Variants in BECN1 observed in about 807,000 individuals in gnomAD.
BECN1 encodes the protein beclin-1.
In BECN1, 15 loss-of-function variants were observed where a neutral mutation model predicts 60.1. The observed-to-expected ratio is 0.25, with a 90% confidence interval of 0.17 to 0.38. The LOEUF (loss-of-function observed/expected upper bound fraction) is 0.38, where lower values mean the gene tolerates loss of function less well. BECN1 is among the 10% of genes least tolerant of loss of function. BECN1 has a pLI of 1.00. For synonymous variants in BECN1, 179 were observed against 201.8 expected, an observed-to-expected ratio of 0.89 and a Z score of 0.96; for missense variants, 424 against 548.2, an observed-to-expected ratio of 0.77 and a Z score of 2.26.
intron 3 of BECN1, 81 bp downstream of exon 3, chr17:42,820,693 T>C (rs1042903367): frequency 8.5e-6 from 12 of 1,416,194 alleles, no homozygotes; most frequent in Admixed American, 2.0e-5. Context: ...AAACCAAGCC[T>C]GCATTCCTGT....
intron 8 of BECN1, chr17:42,815,042 T>C: frequency 4.4e-6 from 1 of 226,910 alleles, no homozygotes; most frequent in Non-Finnish European, 8.8e-6. Flanking sequence ...TCCACCCCTT[T>C]ACCCCAAGTC....
Position 42,819,929 on chromosome 17 carries a change from A to T in BECN1, c.199-320T>A, listed in dbSNP as rs372192739. Among the ~76,000 whole-genome samples, 5 of 152,180 alleles carry T rather than the reference A, an allele frequency of 3.3e-5. No individual in the cohort carries two copies. The East Asian group carries it at 5.8e-4, about 18-fold the overall frequency. On this transcript the variant is annotated intron_variant, in intron 3 of 11. Transcript: ENST00000590099. ...CAGGGGCAGAGGACAGAATGCCCTA[A>T]ATCATAGTACAAGGAAAAAGCCAGA...
intron 10 of BECN1, among the ~76,000 whole-genome samples, chr17:42,813,258 G>A (rs1003981614): frequency 1.3e-5 from 2 of 152,020 alleles, no homozygotes; most frequent in Non-Finnish European, 2.9e-5. Flanking sequence ...AAACAGGCCA[G>A]GCACGGTGGC....
chr17:42,821,947 C>T (rs1490219144), intron 2 of BECN1, among the ~76,000 whole-genome samples: 2 of 152,228 alleles, frequency 1.3e-5, no homozygotes, highest in Admixed American at 6.5e-5. Flanking sequence ...TGGCTCACGC[C>T]TGTAGTCCCA....
Position 42,820,779 on chromosome 17 carries a change from C to G in BECN1, c.193G>C (p.Gly65Arg), listed in dbSNP as rs113316728. 2 of 1,587,860 alleles carry G rather than the reference C, an allele frequency of 1.3e-6. No homozygotes were observed. Among genetic ancestry groups the G allele is most frequent in the Non-Finnish European group, 1.7e-6 (2 of 1,165,410 alleles). ...GGAGAGGGCACTTCTATTACCTCTCCTGAGTTAGTCTCTTCCTCCTGGGTC... is the reference window on the plus strand; with the variant it reads ...GGAGAGGGCACTTCTATTACCTCTCGTGAGTTAGTCTCTTCCTCCTGGGTC... Reference protein sequence around the residue: ...GETQEEETNSGEEPFIETPRQ... With the variant: ...GETQEEETNSREEPFIETPRQ... Residue 65 changes from glycine to arginine, a missense_variant, in exon 3 of 12, where the codon GGA (glycine) becomes CGA (arginine). Transcript: ENST00000590099.
intron 3 of BECN1, chr17:42,820,250 G>A (rs2055235108): frequency 6.5e-6 from 1 of 153,662 alleles, no homozygotes; most frequent in Non-Finnish European, 1.4e-5. Context: ...AATCTCAGGT[G>A]TGTATTCAAT....
At chr17:42,815,525 C>T in intron 8 of BECN1, 1 of 207,032 alleles carries the variant, frequency 4.8e-6, no homozygotes, top group Non-Finnish European at 9.8e-6. Flanking sequence ...AGATTATATG[C>T]AACTAGAAGG....
chr17:42,824,130 C>T lies in BECN1; in HGVS notation c.-3+25G>A, dbSNP rs575870291. ...GTTCCCAGACTCCCTTCTAAGGTCC[C>T]ACCTCAGCCCCCGATGCTCTTCACC... On this transcript the variant is annotated intron_variant, in intron 1 of 11. Transcript: ENST00000590099. 170 of 478,762 alleles carry T rather than the reference C, an allele frequency of 3.6e-4. No individual in the cohort carries two copies. In the Middle Eastern group the frequency reaches 5.4e-3, roughly 15 times the overall value. The allele number at this position is 478,762 out of a possible 1,614,324, so 29.7% of individuals were successfully genotyped here.
At chr17:42,823,223 G>A (rs879748568) in intron 2 of BECN1, among the ~76,000 whole-genome samples, 4 of 152,138 alleles carry the variant, frequency 2.6e-5, no homozygotes, top group Admixed American at 2.6e-4. Context: ...TGAAACAGCA[G>A]GAGCAGAAAA....
chr17:42,816,039 G>A lies in BECN1; in HGVS notation c.699C>T (p.Tyr233=). ...DQEEAQYQRE[Y]SEFKRQQLEL... ...CCAGCTGCTGTCGTTTAAATTCACTGTATTCTCTCTGATACCTGTGAGCAG... is the reference window on the plus strand; with the variant it reads ...CCAGCTGCTGTCGTTTAAATTCACTATATTCTCTCTGATACCTGTGAGCAG... Residue 233 remains tyrosine, a synonymous_variant, in exon 8 of 12, where the codon TAC becomes TAT. Coordinates refer to ENST00000590099, the MANE Select transcript of BECN1 (RefSeq NM_001313998.2). 2 of 1,598,338 alleles carry A rather than the reference G, an allele frequency of 1.3e-6. No individual in the cohort carries two copies. Among genetic ancestry groups the A allele is most frequent in the Non-Finnish European group, 1.7e-6 (2 of 1,172,102 alleles).
At position 42,819,500 on chromosome 17, in the gene BECN1, A is replaced by T. The variant is rs762741368; in HGVS notation, c.260+48T>A. ...GTCTCGATTCCTGGATTTAATTAAA[A>T]TTCTACTAGCCTTTGGCAAGGAATG... On this transcript the variant is annotated intron_variant, in intron 4 of 11. Transcript: ENST00000590099. The T allele has an allele frequency of 2.3e-5, 37 of 1,592,344 alleles. No homozygotes were observed. In the Admixed American group the frequency reaches 5.2e-4, roughly 22 times the overall value.
Position 42,818,284 on chromosome 17 carries a change from A to G in BECN1, c.620T>C (p.Ile207Thr), listed in dbSNP as rs759812640. Residue 207 changes from isoleucine (I) to threonine (T), a missense_variant, in exon 7 of 12, where the codon ATA becomes ACA. By Grantham distance (89) the Ile-to-Thr change is moderately conservative. Around this residue, in one of 3 missense-constraint regions of BECN1, gnomAD observed 326 missense variants for 406.2 expected, o/e 0.80. Transcript: ENST00000590099. ...GACCTTCTCGAGATTTTCTGCCACT[A>G]TCTTGCGGTTCTTTTCCACGTCTTC... is the stretch of plus-strand genomic sequence containing the variant. ...ELEDVEKNRK[I>T]VAENLEKVQA... is the part of the protein sequence containing the mutation. The G allele has an allele frequency of 1.4e-5, 23 of 1,613,968 alleles. No individual in the cohort carries two copies. Among genetic ancestry groups the G allele is most frequent in the Middle Eastern group, 1.6e-4 (1 of 6,084 alleles).
At chr17:42,821,191 C>G (rs934559246) in intron 2 of BECN1, among the ~76,000 whole-genome samples, 1 of 152,080 alleles carries the variant, frequency 6.6e-6, no homozygotes, top group Admixed American at 6.5e-5. Context: ...TCCCAAGTAG[C>G]TGGGACTACA....
chr17:42,811,990 T>TG (rs2055021016), intron 10 of BECN1, 193 bp from the exon 11 acceptor site: 1 of 593,184 alleles, frequency 1.7e-6, no homozygotes, highest in Non-Finnish European at 2.8e-6. Flanking sequence ...CACTTAGAAC[T>TG]GTTTCACTAT....
Position 42,815,809 on chromosome 17 carries a change from C to T in BECN1, c.830+99G>A. The stretch of plus-strand genomic sequence containing the variant: ...AGAAACCTAGTTGGGTGAAGATAAC[C>T]TACAGTCCCTCTTTTGTGGGAAGTG... On this transcript the variant is annotated intron_variant, in intron 8 of 11. Transcript: ENST00000590099. 1 of 1,489,880 alleles carries T rather than the reference C, an allele frequency of 6.7e-7. No individual in the cohort carries two copies. The highest frequency in any genetic ancestry group is 2.3e-4 in the Middle Eastern group (1 of 4,388). 92.3% of individuals were successfully genotyped at this position (1,489,880 alleles called of 1,614,324 possible).
At chr17:42,812,777 A>G (rs1360497030) in intron 10 of BECN1, 1 of 150,254 alleles carries the variant, frequency 6.7e-6, no homozygotes, top group Admixed American at 6.6e-5. Context: ...AAACTTTTTG[A>G]CCATTGATAT....
intron 7 of BECN1, 27 bp downstream of exon 7, chr17:42,818,194 A>G: frequency 6.2e-7 from 1 of 1,607,738 alleles, no homozygotes; most frequent in Non-Finnish European, 8.5e-7. Context: ...CTCGAGTGTG[A>G]GAAGATAGAA....
intron 2 of BECN1, among the ~76,000 whole-genome samples, chr17:42,822,441 A>C (rs550024488): frequency 6.6e-6 from 1 of 152,374 alleles, no homozygotes; most frequent in South Asian, 2.1e-4. Flanking sequence ...AGTAAATGAC[A>C]GCCAGGATTT....
chr17:42,819,554 G>C lies in BECN1; in HGVS notation c.254C>G (p.Pro85Arg), dbSNP rs1276194878. Residue 85 changes from proline to arginine, a missense_variant, in exon 4 of 12, where the codon CCA (proline) becomes CGA (arginine). By Grantham distance (103) the Pro-to-Arg change is moderately radical. Coordinates refer to ENST00000590099, the MANE Select transcript of BECN1 (RefSeq NM_001313998.2). The stretch of plus-strand genomic sequence containing the variant: ...GCTGAGAAGTAGTAGGCACCTGGCT[G>C]GGGGGATGAATCTGCGAGAGACACC... ...QDGVSRRFIP[P>R]ARMMSTESAN... 2 of 1,613,180 alleles carry C rather than the reference G, an allele frequency of 1.2e-6. No homozygotes were observed. Among genetic ancestry groups the C allele is most frequent in the Non-Finnish European group, 1.7e-6 (2 of 1,179,720 alleles).
Sources: allele counts gnomAD v4.1 joint callset (sites outside exome capture counted in the v4.1 genomes callset), GRCh38; gene constraint gnomAD v4.1.1; regional missense constraint gnomAD v4.1.1; transcripts MANE v1.5; gene names NCBI Gene and HGNC (gene_info 2026-07-23, HGNC 2026-07-21).